The following DMD variants were observed in gnomAD, a reference collection of about 807,000 sequenced individuals.
DMD encodes the protein mutant dystrophin.
A neutral mutation model predicts 330.1 loss-of-function variants in DMD; 63 were observed. The ratio of observed to expected loss-of-function variants is 0.19; its 90% CI spans 0.16 to 0.24. The LOEUF is 0.24. Ranked by LOEUF, DMD falls within the 10% of genes least tolerant of loss-of-function variation. DMD has a pLI of 1.00. For synonymous variants in DMD, 1,223 were observed against 959.8 expected (o/e 1.27, Z -5.07); for missense variants, 3,344 against 2,684.1 (o/e 1.25, Z -5.43).
chrX:31,180,418 A>T lies in DMD; in HGVS notation c.10038T>A (p.Val3346=). 8.3e-7 allele frequency: 1 copy of T among 1,211,008 alleles called. No individual in the cohort carries two copies. Among genetic ancestry groups the T allele is most frequent in the South Asian group, 1.8e-5 (1 of 56,954 alleles). ...ICQSCFFSGR[V]AKGHKMHYPM... ...GATAGTGCATTTTATGGCCTTTTGC[A>T]ACTCGACCAGAAAAAAAGCAGCTTT... The change falls in exon 69 of 79, where the codon GTT becomes GTA. Residue 3346 remains valine (V), a synonymous_variant. Coordinates refer to ENST00000357033, the MANE Select transcript of DMD (RefSeq NM_004006.3).
intron 50 of DMD, among the ~76,000 whole-genome samples, chrX:31,784,293 T>C (rs761908626): frequency 1.6e-4 from 18 of 111,290 alleles, no homozygotes; most frequent in Non-Finnish European, 3.2e-4. Context: ...AAAACCACAA[T>C]GAGATATTAC....
intron 44 of DMD, among the ~76,000 whole-genome samples, chrX:32,003,604 GT>G (rs1383755747): frequency 2.7e-5 from 3 of 111,549 alleles, no homozygotes; most frequent in African/African-American, 9.7e-5. Flanking sequence ...TATTAGAAAA[GT>G]TTTTAAATTA....
Position 31,764,166 on chromosome X carries a change from G to A in DMD, c.7542+9794C>T, listed in dbSNP as rs745680394. 1.3e-3 allele frequency among the ~76,000 whole-genome samples: 146 copies of A among 111,663 alleles called. 1 individual carries two copies. Among genetic ancestry groups the A allele is most frequent in the Non-Finnish European group, 1.6e-3 (87 of 53,161 alleles). Reference sequence around the variant, plus strand: ...ATTACAAGTGTGAGCCATTGTGTCTGGACCCGTCCTCATTTTCATTTAGAA... The same window carrying A: ...ATTACAAGTGTGAGCCATTGTGTCTAGACCCGTCCTCATTTTCATTTAGAA... On this transcript the variant is annotated intron_variant, in intron 51 of 78. Transcript: ENST00000357033.
At chrX:32,107,602 C>T (rs758875741) in intron 44 of DMD, among the ~76,000 whole-genome samples, 29 of 110,385 alleles carry the variant, frequency 2.6e-4, no homozygotes, top group African/African-American at 8.2e-4. Flanking sequence ...TGAAGGCAGT[C>T]GGGCAGAACG....
At chrX:31,754,001 T>TGTATAAAA (rs2088836091) in intron 51 of DMD, among the ~76,000 whole-genome samples, 1 of 111,475 alleles carries the variant, frequency 9.0e-6, no homozygotes, top group Non-Finnish European at 1.9e-5. Context: ...GATGAACATT[T>TGTATAAAA]CAGGTGTATA....
At chrX:32,346,942 A>G (rs930254060) in intron 38 of DMD, among the ~76,000 whole-genome samples, 1 of 111,965 alleles carries the variant, frequency 8.9e-6, no homozygotes, top group South Asian at 3.6e-4. Context: ...CTCACATTGT[A>G]ATGGTACTCA....
chrX:33,069,532 A>C (rs2094713566), intron 1 of DMD, among the ~76,000 whole-genome samples: 1 of 111,774 alleles, frequency 8.9e-6, no homozygotes, highest in Non-Finnish European at 1.9e-5. Flanking sequence ...ACATAATTCT[A>C]TAATGAGCAA....
chrX:32,064,860 T>C (rs2096250047), intron 44 of DMD, among the ~76,000 whole-genome samples: 1 of 111,632 alleles, frequency 9.0e-6, no homozygotes, highest in South Asian at 3.6e-4. Flanking sequence ...ATGCTTTTTA[T>C]TTGCTTCTTG....
intron 7 of DMD, among the ~76,000 whole-genome samples, chrX:32,778,865 G>A (rs2074428489): frequency 9.4e-6 from 1 of 106,231 alleles, no homozygotes; most frequent in African/African-American, 3.9e-5. Flanking sequence ...TAATTCCCCT[G>A]TGTCATGTAT....
chrX:32,597,425 G>A (rs2055682939), intron 12 of DMD, among the ~76,000 whole-genome samples: 1 of 111,418 alleles, frequency 9.0e-6, no homozygotes, highest in African/African-American at 3.3e-5. Context: ...GTGGGGGTTT[G>A]GGGAAAACAT....
At chrX:33,055,972 G>A (rs143504942) in intron 1 of DMD, among the ~76,000 whole-genome samples, 1,755 of 109,729 alleles carry the variant, frequency 0.016, 38 homozygotes, top group African/African-American at 0.055. Context: ...ATCCCCTGAA[G>A]AACTTCTTAT....
chrX:33,208,737 T>C (rs1441869964), intron 1 of DMD, among the ~76,000 whole-genome samples: 1 of 110,843 alleles, frequency 9.0e-6, no homozygotes, highest in African/African-American at 3.3e-5. Context: ...CTGTGTTTCT[T>C]GTATGTGTGA....
intron 34 of DMD, among the ~76,000 whole-genome samples, chrX:32,366,746 C>T (rs1963703): frequency 0.42 from 47,054 of 110,882 alleles, 7,555 homozygotes; most frequent in East Asian, 0.72. Flanking sequence ...CTCATACTTT[C>T]TGTTTTGGTT....
intron 1 of DMD, among the ~76,000 whole-genome samples, chrX:33,252,087 T>C (rs929800717): frequency 6.2e-5 from 7 of 112,239 alleles, no homozygotes; most frequent in African/African-American, 2.3e-4. Context: ...GCTTTCTTTT[T>C]ACAAATGGAA....
At chrX:31,702,379 T>G (rs1437720307) in intron 52 of DMD, among the ~76,000 whole-genome samples, 1 of 112,104 alleles carries the variant, frequency 8.9e-6, no homozygotes, top group Non-Finnish European at 1.9e-5. Context: ...AGCCAACATA[T>G]CCAAACTGGA....
intron 54 of DMD, among the ~76,000 whole-genome samples, chrX:31,648,615 T>C (rs2080240154): frequency 4.8e-5 from 1 of 20,946 alleles, no homozygotes; most frequent in Admixed American, 8.3e-4. Context: ...GAAAGGGAGC[T>C]GCAAAAAAAA....
intron 61 of DMD, among the ~76,000 whole-genome samples, chrX:31,331,025 T>G (rs1234792096): frequency 2.7e-5 from 3 of 112,424 alleles, no homozygotes; most frequent in Non-Finnish European, 5.6e-5. Context: ...GGGCAGACTT[T>G]CCATAAAGAT....
At chrX:31,492,306 C>A (rs755312332) in intron 57 of DMD, among the ~76,000 whole-genome samples, 2 of 112,016 alleles carry the variant, frequency 1.8e-5, no homozygotes, top group Non-Finnish European at 3.8e-5. Context: ...AGATCTGATA[C>A]GCAGATCCAG....
At chrX:32,046,251 C>A (rs1214167847) in intron 44 of DMD, among the ~76,000 whole-genome samples, 1 of 112,426 alleles carries the variant, frequency 8.9e-6, no homozygotes, top group Non-Finnish European at 1.9e-5. Flanking sequence ...ATATAATGTA[C>A]TGGGTAGAAA....
Sources: gnomAD v4.1 joint callset for allele counts (sites outside exome capture counted in the v4.1 genomes callset) on GRCh38, gnomAD v4.1.1 for gene constraint, MANE v1.5 for transcripts, NCBI Gene and HGNC (gene_info 2026-07-23, HGNC 2026-07-21) for gene names.